The following SEPTIN9 variants were observed in gnomAD, a reference collection of about 807,000 sequenced individuals.
The protein encoded by SEPTIN9 is septin 9.
In SEPTIN9, 13 loss-of-function variants were observed where a neutral mutation model predicts 56.6. That is an observed-to-expected ratio of 0.23 (90% CI 0.15 to 0.37). The LOEUF is 0.37. Among genes scored for constraint, SEPTIN9 ranks in the 10% least tolerant of loss-of-function variants. The pLI is 1.00. For missense variants in SEPTIN9, 650 were observed against 823.1 expected (o/e 0.79, Z 2.57); for synonymous variants, 332 against 334.1 (o/e 0.99, Z 0.07).
At chr17:77,311,911 A>C (rs1598176172) in intron 2 of SEPTIN9, among the ~76,000 whole-genome samples, 2 of 150,870 alleles carry the variant, frequency 1.3e-5, no homozygotes, top group Non-Finnish European at 3.0e-5. Context: ...TTCCTCTCTC[A>C]CCCATAGCTA....
At position 77,400,316 on chromosome 17, in the gene SEPTIN9, C is replaced by T. The variant is rs111505151; in HGVS notation, c.77-1743C>T. Among the ~76,000 whole-genome samples, 1,234 of 152,302 alleles carry T rather than the reference C, an allele frequency of 8.1e-3. 22 individuals are homozygous for T. Among genetic ancestry groups the T allele is most frequent in the South Asian group, 0.049 (237 of 4,826 alleles). On this transcript the variant is annotated intron_variant, in intron 2 of 11. Coordinates refer to ENST00000427177, the MANE Select transcript of SEPTIN9 (RefSeq NM_001113491.2). The surrounding 1 kb of genome is among the most constrained non-coding windows in gnomAD (Gnocchi z 4.1). ...AGCTCTGGCCACGCCGGGCCCATAT[C>T]CTCTAGGGCAGTGACGGAGCTGAGA...
In SEPTIN9 at chr17:77,369,789, G is replaced by A. The variant is rs559225766; in HGVS notation, c.77-32270G>A. 4.4e-4 allele frequency among the ~76,000 whole-genome samples: 67 copies of A among 152,332 alleles called. No homozygotes were observed. Among genetic ancestry groups the A allele is most frequent in the Non-Finnish European group, 9.0e-4 (61 of 68,014 alleles). ...CCTCTTTTGCTTCCCTGCCAGCTGA[G>A]CCTCTCCATGGAGGCTGTGCCTGGA... On this transcript the variant is annotated intron_variant, in intron 2 of 11. Transcript: ENST00000427177. The surrounding 1 kb of genome is among the most constrained non-coding windows in gnomAD (Gnocchi z 4.9).
In SEPTIN9 at chr17:77,367,231, G is replaced by A. The variant is rs1473947797; in HGVS notation, c.77-34828G>A. On this transcript the variant is annotated intron_variant, in intron 2 of 11. Transcript: ENST00000427177. The surrounding 1 kb of genome is among the most constrained non-coding windows in gnomAD (Gnocchi z 4.5). The stretch of plus-strand genomic sequence containing the variant: ...GTGATGTAAAGAGAGAAGGGGTTCC[G>A]GGGGCTTGGCCCAGGTGGAAACCAT... 3.3e-5 allele frequency among the ~76,000 whole-genome samples: 5 copies of A among 152,182 alleles called. No individual in the cohort carries two copies. The highest frequency in any genetic ancestry group is 2.6e-4 in the Admixed American group (4 of 15,284).
In SEPTIN9 at chr17:77,425,749, A is replaced by AC. The variant is rs1568059428; in HGVS notation, c.721+23052dup. 1.4e-5 allele frequency among the ~76,000 whole-genome samples: 2 copies of AC among 139,454 alleles called. No individual in the cohort carries two copies. The highest frequency in any genetic ancestry group is 3.1e-5 in the Non-Finnish European group (2 of 64,344). 91.5% of individuals were successfully genotyped at this position (139,454 alleles called of 152,430 possible). ...AGAGGAAGCTGCCCCCCGCTCATCT[A>AC]CCCCCCAACCCTCCCAGCCAGCAGA... is the stretch of plus-strand genomic sequence containing the variant. On this transcript the variant is annotated intron_variant, in intron 3 of 11. Coordinates refer to ENST00000427177, the MANE Select transcript of SEPTIN9 (RefSeq NM_001113491.2). The surrounding 1 kb of genome is among the most constrained non-coding windows in gnomAD (Gnocchi z 4.2).
In SEPTIN9 at chr17:77,329,757, C is replaced by T. The variant is rs1201158402; in HGVS notation, c.76+22560C>T. 6.6e-6 allele frequency among the ~76,000 whole-genome samples: 1 copy of T among 152,216 alleles called. No individual in the cohort carries two copies. Among genetic ancestry groups the T allele is most frequent in the Admixed American group, 6.5e-5 (1 of 15,290 alleles). On this transcript the variant is annotated intron_variant, in intron 2 of 11. Coordinates refer to ENST00000427177, the MANE Select transcript of SEPTIN9 (RefSeq NM_001113491.2). This position sits in a 1 kb window ranked among gnomAD's most constrained non-coding sequence, Gnocchi z 4.3. ...ACCATCCTTCAGGTTTCTTCCCAGC[C>T]TCTGACTCGGGGCAAGGTTCAGATA... is the stretch of plus-strand genomic sequence containing the variant.
chr17:77,312,589 C>T (rs9911755), intron 2 of SEPTIN9, among the ~76,000 whole-genome samples: 61,481 of 151,970 alleles, frequency 0.4, 13,804 homozygotes, highest in East Asian at 0.53. Flanking sequence ...ACCAGAGCCA[C>T]GGCGGGATGC....
intron 11 of SEPTIN9, 35 bp downstream of exon 11, chr17:77,497,401 T>C: frequency 6.3e-7 from 1 of 1,598,572 alleles, no homozygotes; most frequent in Non-Finnish European, 8.6e-7. Flanking sequence ...GGCTGACGGC[T>C]TCACCCCTAA....
intron 3 of SEPTIN9, among the ~76,000 whole-genome samples, chr17:77,415,854 G>A (rs116065750): frequency 0.019 from 2,892 of 152,308 alleles, 74 homozygotes; most frequent in South Asian, 0.075. Context: ...TGGTGGCTGC[G>A]AGGAGCGTGG....
chr17:77,415,441 T>C (rs947577903), intron 3 of SEPTIN9, among the ~76,000 whole-genome samples: 5 of 152,118 alleles, frequency 3.3e-5, no homozygotes, highest in Non-Finnish European at 4.4e-5. Context: ...ACCCCGTCTC[T>C]ACTAAAAATA....
At chr17:77,316,747 A>T in intron 2 of SEPTIN9, among the ~76,000 whole-genome samples, 1 of 140,944 alleles carries the variant, frequency 7.1e-6, no homozygotes, top group South Asian at 2.3e-4. Flanking sequence ...CACTCTTTTT[A>T]CCCAGCCAGG....
intron 2 of SEPTIN9, among the ~76,000 whole-genome samples, chr17:77,344,541 A>G (rs924764715): frequency 1.3e-5 from 2 of 152,280 alleles, no homozygotes; most frequent in African/African-American, 4.8e-5. Context: ...AGGGACTTGA[A>G]CAGGTGTGCT....
At chr17:77,386,980 C>G (rs369844917) in intron 2 of SEPTIN9, among the ~76,000 whole-genome samples, 36 of 152,330 alleles carry the variant, frequency 2.4e-4, no homozygotes, top group Middle Eastern at 3.4e-3. Context: ...GAAGGTTAAG[C>G]AGAAGAGTGG....
At chr17:77,432,004 G>A (rs1407331131) in intron 3 of SEPTIN9, among the ~76,000 whole-genome samples, 1 of 152,144 alleles carries the variant, frequency 6.6e-6, no homozygotes, top group Non-Finnish European at 1.5e-5. Context: ...CTTAGAAACA[G>A]GTTGGGGAGG....
chr17:77,414,604 G>T (rs1353474909), intron 3 of SEPTIN9, among the ~76,000 whole-genome samples: 1 of 138,300 alleles, frequency 7.2e-6, no homozygotes, highest in Admixed American at 7.4e-5. Flanking sequence ...TTGAGATAGG[G>T]TCTCACTCTG....
chr17:77,364,339 CTGAG>C (rs2034509403), intron 2 of SEPTIN9, among the ~76,000 whole-genome samples: 1 of 152,176 alleles, frequency 6.6e-6, no homozygotes, highest in Non-Finnish European at 1.5e-5. Context: ...TATTTTTTTA[CTGAG>C]TGTTAGGGTA....
chr17:77,379,050 T>A (rs2035044015), intron 2 of SEPTIN9, among the ~76,000 whole-genome samples: 1 of 152,058 alleles, frequency 6.6e-6, no homozygotes, highest in Admixed American at 6.5e-5. Flanking sequence ...CCTGCTGCCC[T>A]GAACATTCTC....
intron 1 of SEPTIN9, among the ~76,000 whole-genome samples, chr17:77,304,197 G>T (rs1374593013): frequency 6.6e-6 from 1 of 152,188 alleles, no homozygotes; most frequent in African/African-American, 2.4e-5. Flanking sequence ...CAGCAGTGGC[G>T]GCAGCGGCTG....
intron 3 of SEPTIN9, among the ~76,000 whole-genome samples, chr17:77,454,954 G>A (rs182847227): frequency 2.6e-4 from 39 of 152,258 alleles, no homozygotes; most frequent in Admixed American, 1.7e-3. Context: ...TGCTGGGGGT[G>A]GGGGGTCAGT....
chr17:77,290,845 A>T (rs1021491581), intron 1 of SEPTIN9, among the ~76,000 whole-genome samples: 14 of 150,450 alleles, frequency 9.3e-5, no homozygotes, highest in Admixed American at 4.6e-4. Flanking sequence ...ATAAATAAAT[A>T]AATTCTTATA....
Sources: gnomAD v4.1 joint callset for allele counts (sites outside exome capture counted in the v4.1 genomes callset) on GRCh38, gnomAD v4.1.1 for gene constraint, Gnocchi (gnomAD v3.1) non-coding constraint, MANE v1.5 for transcripts, NCBI Gene and HGNC (gene_info 2026-07-23, HGNC 2026-07-21) for gene names.